Variants in ANO3 observed in about 807,000 individuals in gnomAD.
ANO3 encodes anoctamin 3.
In ANO3, 99 loss-of-function variants were observed where a neutral mutation model predicts 144.8. That is an observed-to-expected ratio of 0.68 (90% confidence interval 0.58 to 0.81). ANO3 has a LOEUF of 0.81. Ranked by LOEUF, ANO3 falls within the 30% of genes least tolerant of loss-of-function variation. The probability of loss-of-function intolerance (pLI) is 0.00; values close to 1 mark genes in which losing one functional copy is unlikely to be tolerated. For synonymous variants in ANO3, 414 were observed against 392.6 expected (o/e 1.05, Z -0.64); for missense variants, 905 against 1,202.2 (o/e 0.75, Z 3.66).
chr11:26,304,285 C>A (rs2133865314), intron 1 of ANO3, among the ~76,000 whole-genome samples: 1 of 152,132 alleles, frequency 6.6e-6, no homozygotes, highest in African/African-American at 2.4e-5. Context: ...GTACCTATAG[C>A]AATGGCAAAT....
At chr11:26,515,991 G>A (rs1486591901) in intron 5 of ANO3, among the ~76,000 whole-genome samples, 3 of 151,896 alleles carry the variant, frequency 2.0e-5, no homozygotes, top group African/African-American at 4.8e-5. Flanking sequence ...CATGAGTGAT[G>A]TATGATGCCT....
rs188106664 is a variant in ANO3, at chr11:26,316,717, G to C, written c.-3+6998G>C. On this transcript the variant is annotated intron_variant, in intron 1 of 26. Coordinates refer to the ANO3 transcript ENST00000525139. Reference sequence around the variant, plus strand: ...TGAACAGGTGCCCCCTCATGTGTCCGTTTATAGACTCTCCACAAGGGTCGC... The same window carrying C: ...TGAACAGGTGCCCCCTCATGTGTCCCTTTATAGACTCTCCACAAGGGTCGC... Among the ~76,000 whole-genome samples, 7 of 152,208 alleles carry C rather than the reference G, an allele frequency of 4.6e-5. 1 individual carries two copies. In the East Asian group the frequency reaches 7.7e-4, roughly 17 times the overall value.
intron 18 of ANO3, among the ~76,000 whole-genome samples, chr11:26,626,444 A>G (rs1053151639): frequency 2.0e-5 from 3 of 152,218 alleles, no homozygotes; most frequent in Admixed American, 2.0e-4. Context: ...GAGGACTCTA[A>G]CATTGGGTAT....
intron 1 of ANO3, among the ~76,000 whole-genome samples, chr11:26,231,953 T>C (rs571769507): frequency 6.6e-6 from 1 of 152,346 alleles, no homozygotes; most frequent in South Asian, 2.1e-4. Flanking sequence ...ACACCTGACA[T>C]GGAAACTGGC....
intron 13 of ANO3, among the ~76,000 whole-genome samples, chr11:26,553,754 AT>A (rs1335310366): frequency 6.6e-6 from 1 of 152,186 alleles, no homozygotes. Context: ...GCCTGTTAGA[AT>A]TAACTGAACG....
chr11:26,643,645 C>G lies in ANO3; in HGVS notation c.2428+311C>G, dbSNP rs1055236121. The stretch of plus-strand genomic sequence containing the variant: ...TGGTGGGTGCCTGTAATCCCAGCTA[C>G]TCGGGAGGCTGAGACAGGAGAATCG... On this transcript the variant is annotated intron_variant, in intron 23 of 26. Coordinates refer to ENST00000256737, the MANE Select transcript of ANO3 (RefSeq NM_031418.4). Among the ~76,000 whole-genome samples the G allele has an allele frequency of 5.3e-5, 8 of 151,938 alleles. No individual in the cohort carries two copies. In the South Asian group the frequency reaches 6.2e-4, roughly 12 times the overall value.
chr11:26,645,796 C>T (rs959769218), intron 23 of ANO3, among the ~76,000 whole-genome samples: 1 of 152,042 alleles, frequency 6.6e-6, no homozygotes, highest in Admixed American at 6.6e-5. Context: ...CAGCAAATCA[C>T]CATGGCACAC....
chr11:26,620,228 T>C (rs953934161), intron 17 of ANO3, among the ~76,000 whole-genome samples: 8 of 152,176 alleles, frequency 5.3e-5, no homozygotes, highest in Non-Finnish European at 8.8e-5. Context: ...GCAAAATTAT[T>C]CCAAAAATGT....
intron 1 of ANO3, among the ~76,000 whole-genome samples, chr11:26,234,867 G>T (rs944380957): frequency 9.9e-5 from 15 of 151,936 alleles, no homozygotes; most frequent in African/African-American, 3.6e-4. Flanking sequence ...CAGAAAAGCT[G>T]GCAGTATAAA....
At chr11:26,417,962 A>G (rs1438024143) in intron 1 of ANO3, among the ~76,000 whole-genome samples, 1 of 152,108 alleles carries the variant, frequency 6.6e-6, no homozygotes, top group Non-Finnish European at 1.5e-5. Context: ...CTCACCCTGA[A>G]CTGGTTGAAA....
At chr11:26,349,363 G>C (rs1224483476) in intron 1 of ANO3, among the ~76,000 whole-genome samples, 3 of 152,070 alleles carry the variant, frequency 2.0e-5, no homozygotes, top group African/African-American at 7.2e-5. Context: ...TTGTGCAAAT[G>C]TTTACAGTGC....
chr11:26,622,650 G>C (rs1428451544), intron 17 of ANO3, among the ~76,000 whole-genome samples: 1 of 152,098 alleles, frequency 6.6e-6, no homozygotes, highest in Non-Finnish European at 1.5e-5. Flanking sequence ...ATGTGACAAG[G>C]CACGATGTAT....
intron 1 of ANO3, among the ~76,000 whole-genome samples, chr11:26,338,678 T>C (rs1198642061): frequency 6.6e-6 from 1 of 152,030 alleles, no homozygotes. Flanking sequence ...ATTCCTGAAG[T>C]CAACGAGACC....
At chr11:26,537,192 A>G (rs1849532439) in intron 9 of ANO3, among the ~76,000 whole-genome samples, 1 of 152,088 alleles carries the variant, frequency 6.6e-6, no homozygotes, top group Non-Finnish European at 1.5e-5. Flanking sequence ...GCAACTTGCA[A>G]ATCTTCATTT....
chr11:26,657,918 C>T (rs943832519), intron 26 of ANO3, among the ~76,000 whole-genome samples: 2 of 150,884 alleles, frequency 1.3e-5, no homozygotes, highest in Non-Finnish European at 3.0e-5. Flanking sequence ...TATCAGTTGT[C>T]TATTCACTCT....
chr11:26,549,602 C>T (rs1030547682), intron 12 of ANO3, among the ~76,000 whole-genome samples: 1 of 151,746 alleles, frequency 6.6e-6, no homozygotes, highest in African/African-American at 2.4e-5. Flanking sequence ...TTCTCAATTG[C>T]CCTGCACTTA....
At chr11:26,370,270 A>G (rs1298030056) in intron 1 of ANO3, among the ~76,000 whole-genome samples, 1 of 152,186 alleles carries the variant, frequency 6.6e-6, no homozygotes, top group Non-Finnish European at 1.5e-5. Context: ...GCCTTCGCTC[A>G]GCTCTCATTA....
Position 26,662,903 on chromosome 11 carries a change from A to G in ANO3, c.*2459A>G, listed in dbSNP as rs540217318. On this transcript the variant is annotated 3_prime_UTR_variant, in exon 27 of 27. Transcript: ENST00000256737. The stretch of plus-strand genomic sequence containing the variant: ...ATATCATGGTTTTTATATGAATACA[A>G]ATTATTTCTCAAAGATTTATAGCAC... The G allele has an allele frequency of 6.6e-5, 10 of 152,588 alleles. No individual in the cohort carries two copies. In the East Asian group the frequency reaches 1.2e-3, roughly 18 times the overall value. The allele number at this position is 152,588 out of a possible 1,614,324, so 9.5% of individuals were successfully genotyped here.
chr11:26,441,321 T>G (rs1014340890), intron 1 of ANO3, among the ~76,000 whole-genome samples: 2 of 150,930 alleles, frequency 1.3e-5, no homozygotes, highest in African/African-American at 4.9e-5. Flanking sequence ...GTTTCACCGT[T>G]TTAGCCGGGA....
Sources: allele counts gnomAD v4.1 joint callset (sites outside exome capture counted in the v4.1 genomes callset), GRCh38; gene constraint gnomAD v4.1.1; transcripts MANE v1.5; gene names NCBI Gene and HGNC (gene_info 2026-07-23, HGNC 2026-07-21).